Variants in EPHA6 observed in about 807,000 individuals in gnomAD.
EPHA6 encodes the protein ephrin type-A receptor 6.
In EPHA6, 50 loss-of-function variants were observed where a neutral mutation model predicts 112.0. That is an observed-to-expected ratio of 0.45 (90% CI 0.36 to 0.56). The LOEUF (loss-of-function observed/expected upper bound fraction) is 0.56. Ranked by LOEUF, EPHA6 falls within the 20% of genes least tolerant of loss-of-function variation. The pLI, the probability that EPHA6 is intolerant of heterozygous loss-of-function variation, is 0.00. For missense variants in EPHA6, 1,280 were observed against 1,417.4 expected (o/e 0.90, Z 1.56); for synonymous variants, 529 against 490.7 (o/e 1.08, Z -1.03).
chr3:97,516,197 A>G (rs1348094407), intron 10 of EPHA6, among the ~76,000 whole-genome samples: 2 of 152,214 alleles, frequency 1.3e-5, no homozygotes, highest in African/African-American at 4.8e-5. Flanking sequence ...TAACAATGAT[A>G]CTAAAGCAAG....
chr3:97,550,325 A>G (rs1045124388), intron 11 of EPHA6, among the ~76,000 whole-genome samples: 11 of 152,252 alleles, frequency 7.2e-5, no homozygotes, highest in Non-Finnish European at 1.3e-4. Flanking sequence ...TGCCCTCTTG[A>G]ATTGCTATGC....
intron 10 of EPHA6, among the ~76,000 whole-genome samples, chr3:97,523,735 G>A (rs2107625601): frequency 6.6e-6 from 1 of 151,988 alleles, no homozygotes; most frequent in African/African-American, 2.4e-5. Flanking sequence ...GTGCTCCAAT[G>A]TTAGATGCAT....
chr3:96,882,768 G>GTGTGTGTGTATATA (rs774521290), intron 2 of EPHA6, among the ~76,000 whole-genome samples: 35 of 148,900 alleles, frequency 2.4e-4, no homozygotes, highest in East Asian at 8.0e-4. Context: ...GTGTGTGTGT[G>GTGTGTGTGTATATA]TATAGTCAAT....
intron 2 of EPHA6, among the ~76,000 whole-genome samples, chr3:96,983,255 CA>C (rs1414627156): frequency 1.3e-5 from 2 of 152,092 alleles, no homozygotes; most frequent in Non-Finnish European, 2.9e-5. Flanking sequence ...CTGCTGGTGA[CA>C]AAAACTAGCA....
intron 6 of EPHA6, among the ~76,000 whole-genome samples, chr3:97,432,050 GT>G (rs1186714641): frequency 6.6e-6 from 1 of 152,036 alleles, no homozygotes; most frequent in Non-Finnish European, 1.5e-5. Flanking sequence ...TAAGACTCAA[GT>G]TACTGGCTAT....
intron 5 of EPHA6, among the ~76,000 whole-genome samples, chr3:97,323,088 A>C (rs1011961443): frequency 6.6e-6 from 1 of 151,992 alleles, no homozygotes; most frequent in African/African-American, 2.4e-5. Flanking sequence ...AAATTTGAAC[A>C]AAATACTCTA....
chr3:96,891,467 C>G (rs1462884465), intron 2 of EPHA6, among the ~76,000 whole-genome samples: 2 of 144,788 alleles, frequency 1.4e-5, no homozygotes, highest in Non-Finnish European at 2.9e-5. Context: ...GTAAAACACT[C>G]TGGGAGACCG....
rs957195975 is a variant in EPHA6 at position 97,756,454 on chromosome 3, G to A, written c.*7753G>A. 6.6e-5 allele frequency among the ~76,000 whole-genome samples: 10 copies of A among 151,856 alleles called. No homozygotes were observed. Among genetic ancestry groups the A allele is most frequent in the African/African-American group, 2.2e-4 (9 of 41,418 alleles). On this transcript the variant is annotated 3_prime_UTR_variant, in exon 18 of 18. Coordinates refer to ENST00000389672, the MANE Select transcript of EPHA6 (RefSeq NM_001080448.3). ...AAGACAATGCTGAATATCATACATA[G>A]TTAATAAACAATGATTGGAGCTTTT...
intron 5 of EPHA6, among the ~76,000 whole-genome samples, chr3:97,291,627 A>G (rs1288943436): frequency 2.0e-5 from 3 of 151,914 alleles, no homozygotes; most frequent in East Asian, 3.9e-4. Context: ...TGCTTAATCT[A>G]TTGTTTTTGA....
At chr3:97,697,390 CTA>C (rs2033108700) in intron 14 of EPHA6, among the ~76,000 whole-genome samples, 1 of 152,088 alleles carries the variant, frequency 6.6e-6, no homozygotes, top group African/African-American at 2.4e-5. Flanking sequence ...AGAAAGAGTA[CTA>C]TTTTAACATC....
At chr3:97,250,183 A>G (rs1249783093) in intron 5 of EPHA6, among the ~76,000 whole-genome samples, 2 of 152,238 alleles carry the variant, frequency 1.3e-5, no homozygotes, top group Non-Finnish European at 2.9e-5. Flanking sequence ...AGAAAGTATT[A>G]ATGGCATATT....
At chr3:97,376,362 T>C in intron 5 of EPHA6, among the ~76,000 whole-genome samples, 1 of 152,190 alleles carries the variant, frequency 6.6e-6, no homozygotes, top group East Asian at 1.9e-4. Context: ...ATAGGCAGGC[T>C]TCTGACTGTA....
chr3:97,184,565 G>T (rs2077071571), intron 3 of EPHA6, among the ~76,000 whole-genome samples: 1 of 152,062 alleles, frequency 6.6e-6, no homozygotes, highest in African/African-American at 2.4e-5. Context: ...AAATAAAAGA[G>T]GATACAAACA....
intron 2 of EPHA6, among the ~76,000 whole-genome samples, chr3:96,901,186 A>G (rs906809095): frequency 3.9e-4 from 59 of 152,302 alleles, no homozygotes; most frequent in African/African-American, 1.4e-3. Flanking sequence ...AGTTTTTATT[A>G]ACTTATGAGA....
intron 5 of EPHA6, among the ~76,000 whole-genome samples, chr3:97,271,971 T>C (rs2079897763): frequency 6.6e-6 from 1 of 152,240 alleles, no homozygotes; most frequent in African/African-American, 2.4e-5. Context: ...TTAGTAAATT[T>C]ACAGTATACA....
At chr3:97,531,692 A>C (rs1334344012) in intron 10 of EPHA6, among the ~76,000 whole-genome samples, 1 of 152,122 alleles carries the variant, frequency 6.6e-6, no homozygotes, top group African/African-American at 2.4e-5. Flanking sequence ...TGAAACTCAC[A>C]ACATTCTAGC....
chr3:97,558,908 A>T (rs1424170544), intron 11 of EPHA6, among the ~76,000 whole-genome samples: 1 of 152,034 alleles, frequency 6.6e-6, no homozygotes, highest in Non-Finnish European at 1.5e-5. Flanking sequence ...ACTTTAAAAC[A>T]TTTGTTTTAC....
At chr3:97,679,917 T>A in intron 14 of EPHA6, among the ~76,000 whole-genome samples, 1 of 152,314 alleles carries the variant, frequency 6.6e-6, no homozygotes, top group South Asian at 2.1e-4. Context: ...CCAGGCAACC[T>A]TTTGCTTGCC....
chr3:97,145,076 T>A (rs1406364748), intron 3 of EPHA6, among the ~76,000 whole-genome samples: 1 of 151,530 alleles, frequency 6.6e-6, no homozygotes, highest in East Asian at 1.9e-4. Flanking sequence ...TCTTTGCATA[T>A]CCGTGTCTGT....
Sources: gnomAD v4.1 joint callset for allele counts (sites outside exome capture counted in the v4.1 genomes callset) on GRCh38, gnomAD v4.1.1 for gene constraint, MANE v1.5 for transcripts, NCBI Gene and HGNC (gene_info 2026-07-23, HGNC 2026-07-21) for gene names.